SLC25A48: variants seen among roughly 807,000 people sequenced by gnomAD.
The protein encoded by SLC25A48 is CTC-321K16.1.
Under a neutral mutation model 32.2 loss-of-function variants are expected in SLC25A48, and 29 were observed. The observed-to-expected ratio is 0.90, with a 90% CI of 0.67 to 1.23. The LOEUF (loss-of-function observed/expected upper bound fraction) is 1.23. Ranked by LOEUF, SLC25A48 falls within the 50% of genes most tolerant of loss-of-function variation. The pLI, the probability that SLC25A48 is intolerant of heterozygous loss-of-function variation, is 0.00. For synonymous variants in SLC25A48, 164 were observed against 172.3 expected, an observed-to-expected ratio of 0.95 and a Z score of 0.38; for missense variants, 399 against 422.7, an observed-to-expected ratio of 0.94 and a Z score of 0.49.
intron 3 of SLC25A48, among the ~76,000 whole-genome samples, chr5:135,790,950 G>T (rs1013983955): frequency 2.2e-5 from 3 of 138,136 alleles, no homozygotes; most frequent in Non-Finnish European, 4.7e-5. Context: ...CACAGTAAGT[G>T]TACATTATGT....
intron 3 of SLC25A48, among the ~76,000 whole-genome samples, chr5:135,738,029 C>T (rs1002402070): frequency 2.0e-5 from 3 of 152,128 alleles, no homozygotes; most frequent in East Asian, 1.9e-4. Flanking sequence ...CAATGATCCA[C>T]GGGGAAATGA....
Position 135,637,970 on chromosome 5 carries a change from A to G in SLC25A48, c.-521+3014A>G, listed in dbSNP as rs139708441. 4.6e-3 allele frequency among the ~76,000 whole-genome samples: 706 copies of G among 152,246 alleles called. 8 individuals carry two copies. The highest frequency in any genetic ancestry group is 0.016 in the African/African-American group (683 of 41,546). On this transcript the variant is annotated intron_variant, in intron 3 of 10. Transcript: ENST00000646290. ...CTTATTCTATTTCACCAATTTTAAGATATACTTTTCTCCTTATTTTCCACA... is the reference window on the plus strand; with the variant it reads ...CTTATTCTATTTCACCAATTTTAAGGTATACTTTTCTCCTTATTTTCCACA...
intron 3 of SLC25A48, among the ~76,000 whole-genome samples, chr5:135,666,593 A>T (rs1016903182): frequency 1.3e-5 from 2 of 152,102 alleles, no homozygotes; most frequent in South Asian, 4.2e-4. Flanking sequence ...ACTCTGGGAC[A>T]TGAAGGCCCT....
intron 3 of SLC25A48, among the ~76,000 whole-genome samples, chr5:135,725,143 A>G (rs1421568128): frequency 1.3e-5 from 2 of 152,256 alleles, no homozygotes; most frequent in Non-Finnish European, 2.9e-5. Context: ...AGCTTTTGCT[A>G]CTGATTCTTT....
intron 4 of SLC25A48, among the ~76,000 whole-genome samples, chr5:135,865,404 C>G (rs1444215445): frequency 6.6e-6 from 1 of 152,142 alleles, no homozygotes; most frequent in Non-Finnish European, 1.5e-5. Flanking sequence ...TACAGCCAGC[C>G]TGTCTGCTGG....
At chr5:135,704,101 G>A (rs4613698) in intron 3 of SLC25A48, among the ~76,000 whole-genome samples, 26,554 of 152,182 alleles carry the variant, frequency 0.17, 2,405 homozygotes, top group Middle Eastern at 0.3. Context: ...TATGAAGAAG[G>A]CAAAGGTTTC....
chr5:135,884,698 T>A (rs73791624), intron 7 of SLC25A48, among the ~76,000 whole-genome samples: 1,627 of 152,250 alleles, frequency 0.011, 32 homozygotes, highest in African/African-American at 0.037. Flanking sequence ...CTGAAGTCTC[T>A]GCTCTAACAC....
At chr5:135,664,439 A>G (rs564132335) in intron 3 of SLC25A48, among the ~76,000 whole-genome samples, 2 of 152,212 alleles carry the variant, frequency 1.3e-5, no homozygotes, top group African/African-American at 4.8e-5. Context: ...CAGGATTATG[A>G]ATTTCTTTTA....
In SLC25A48 at chr5:135,653,721, C is replaced by T. The variant is rs900822805; in HGVS notation, c.-521+18765C>T. 1.6e-5 allele frequency: 7 copies of T among 437,918 alleles called. 1 individual carries two copies. Among genetic ancestry groups the T allele is most frequent in the African/African-American group, 1.0e-4 (5 of 49,862 alleles). The allele number at this position is 437,918 out of a possible 1,614,324, so 27.1% of individuals were successfully genotyped here. ...CAGACCAATCTCCACTCCCCATAAG[C>T]TTCCTTTGGAAGATAAAGGAGCTGA... On this transcript the variant is annotated intron_variant, in intron 3 of 10. Transcript: ENST00000646290.
chr5:135,875,411 A>C (rs564532593), intron 6 of SLC25A48: 1 of 152,346 alleles, frequency 6.6e-6, no homozygotes, highest in Admixed American at 6.5e-5. Context: ...TGGATGACCC[A>C]GTGTTGAGGT....
intron 4 of SLC25A48, among the ~76,000 whole-genome samples, chr5:135,819,115 C>T (rs1020890911): frequency 2.0e-5 from 3 of 151,064 alleles, no homozygotes; most frequent in African/African-American, 7.3e-5. Flanking sequence ...ATCTAACATA[C>T]ATGACATTGG....
intron 3 of SLC25A48, among the ~76,000 whole-genome samples, chr5:135,706,299 G>A (rs1162661233): frequency 6.6e-6 from 1 of 152,210 alleles, no homozygotes; most frequent in African/African-American, 2.4e-5. Context: ...CTGCCCTTGA[G>A]TTGGGTGTAG....
intron 3 of SLC25A48, among the ~76,000 whole-genome samples, chr5:135,707,788 A>G (rs934306467): frequency 4.6e-5 from 7 of 152,028 alleles, no homozygotes; most frequent in Non-Finnish European, 8.8e-5. Flanking sequence ...TCTTTTGTTC[A>G]TGTGTTGATT....
intron 4 of SLC25A48, among the ~76,000 whole-genome samples, chr5:135,854,481 C>A (rs1760148934): frequency 6.6e-6 from 1 of 152,236 alleles, no homozygotes; most frequent in African/African-American, 2.4e-5. Context: ...TCACCTTGCA[C>A]TTTTATGTTG....
chr5:135,634,033 G>A (rs1752641183), intron 2 of SLC25A48, among the ~76,000 whole-genome samples: 1 of 152,196 alleles, frequency 6.6e-6, no homozygotes, highest in African/African-American at 2.4e-5. Flanking sequence ...GCAAGGCCGA[G>A]TGCATTCTTC....
chr5:135,623,235 GC>G (rs1477529305), intron 1 of SLC25A48, among the ~76,000 whole-genome samples: 3 of 152,218 alleles, frequency 2.0e-5, no homozygotes, highest in African/African-American at 7.2e-5. Context: ...CTCTTGGGAA[GC>G]CCTGAGGTTG....
At chr5:135,768,989 A>T (rs1756324806) in intron 3 of SLC25A48, among the ~76,000 whole-genome samples, 1 of 151,670 alleles carries the variant, frequency 6.6e-6, no homozygotes, top group Non-Finnish European at 1.5e-5. Context: ...TGCTAATTCC[A>T]ATATTTCAGG....
chr5:135,778,171 G>C lies in SLC25A48; in HGVS notation c.-520-34352G>C, dbSNP rs535244783. 8.4e-4 allele frequency among the ~76,000 whole-genome samples: 128 copies of C among 151,798 alleles called. 1 individual carries two copies. Among genetic ancestry groups the C allele is most frequent in the African/African-American group, 3.0e-3 (124 of 41,370 alleles). Reference sequence around the variant, plus strand: ...CCGTGGTATTGTTTCTAATATTAAGGGGGGGAGAGGATAATATTCCTTCCA... The same window carrying C: ...CCGTGGTATTGTTTCTAATATTAAGCGGGGGAGAGGATAATATTCCTTCCA... On this transcript the variant is annotated intron_variant, in intron 3 of 10. Coordinates refer to the SLC25A48 transcript ENST00000646290.
At chr5:135,600,844 G>A (rs1444864180) in intron 1 of SLC25A48, among the ~76,000 whole-genome samples, 3 of 117,116 alleles carry the variant, frequency 2.6e-5, no homozygotes, top group Non-Finnish European at 5.5e-5. Context: ...CACCATGCCC[G>A]GGTATTTTTT....
Sources: allele counts gnomAD v4.1 joint callset (sites outside exome capture counted in the v4.1 genomes callset), GRCh38; gene constraint gnomAD v4.1.1; transcripts MANE v1.5; gene names NCBI Gene and HGNC (gene_info 2026-07-23, HGNC 2026-07-21).